Variants in GBE1 observed in about 807,000 individuals in gnomAD.
The protein encoded by GBE1 is 1,4-alpha-glucan-branching enzyme.
A neutral mutation model predicts 88.8 loss-of-function variants in GBE1; 70 were observed. The ratio of observed to expected loss-of-function variants is 0.79; its 90% confidence interval spans 0.65 to 0.96. GBE1 has a LOEUF of 0.96. Among genes scored for constraint, GBE1 ranks in the 40% least tolerant of loss-of-function variants. GBE1 has a pLI of 0.00. For missense variants in GBE1, 872 were observed against 871.0 expected (o/e 1.00, Z -0.01); for synonymous variants, 284 against 300.1 (o/e 0.95, Z 0.56).
intron 12 of GBE1, among the ~76,000 whole-genome samples, chr3:81,570,563 C>T (rs184962164): frequency 6.6e-6 from 1 of 152,164 alleles, no homozygotes; most frequent in African/African-American, 2.4e-5. Context: ...TTAACGCCTG[C>T]CTACTTTTTA....
chr3:81,649,089 C>A, intron 4 of GBE1, 98 bp from the exon 5 acceptor site: 1 of 804,324 alleles, frequency 1.2e-6, no homozygotes, highest in South Asian at 1.9e-5. Flanking sequence ...TATACTCAAA[C>A]ACTTGGAACT....
chr3:81,702,116 T>A (rs376497046), intron 2 of GBE1, among the ~76,000 whole-genome samples: 33,323 of 84,516 alleles, frequency 0.39, 5,020 homozygotes, highest in African/African-American at 0.56. Flanking sequence ...TGTGTGTGTG[T>A]GTGTGTGTGT....
At chr3:81,628,145 C>T (rs1243091551) in intron 7 of GBE1, among the ~76,000 whole-genome samples, 1 of 152,034 alleles carries the variant, frequency 6.6e-6, no homozygotes. Flanking sequence ...CAGACTCAGG[C>T]GGCCCCCTTA....
chr3:81,547,645 CT>C (rs1703224734), intron 12 of GBE1, among the ~76,000 whole-genome samples: 1 of 150,166 alleles, frequency 6.7e-6, no homozygotes, highest in Non-Finnish European at 1.5e-5. Flanking sequence ...CTCTCTCTCT[CT>C]CTCTCTCTCT....
chr3:81,597,058 T>C (rs1481409656), intron 7 of GBE1, among the ~76,000 whole-genome samples: 1 of 151,948 alleles, frequency 6.6e-6, no homozygotes, highest in East Asian at 1.9e-4. Flanking sequence ...AGAAATATTG[T>C]TCAATGTTCT....
intron 1 of GBE1, among the ~76,000 whole-genome samples, chr3:81,710,291 G>A (rs1267874014): frequency 7.5e-6 from 1 of 134,170 alleles, no homozygotes; most frequent in African/African-American, 2.9e-5. Flanking sequence ...CTGGAGTGCA[G>A]TGCCGCGATC....
chr3:81,605,171 C>A (rs1704087825), intron 7 of GBE1, among the ~76,000 whole-genome samples: 3 of 152,092 alleles, frequency 2.0e-5, no homozygotes, highest in Admixed American at 2.0e-4. Flanking sequence ...ACATCAATAT[C>A]CTTAAGGAAT....
In GBE1 at chr3:81,612,239, A is replaced by G. The variant is rs986647888; in HGVS notation, c.993-18216T>C. On this transcript the variant is annotated intron_variant, in intron 7 of 15. Transcript: ENST00000429644. ...CTCCTTTAAAAAAAAAAAAAAAAAA[A>G]AAAACTTAAAGAAGCTCTCTGGTTC... 5.7e-6 allele frequency: 3 copies of G among 528,516 alleles called. No individual in the cohort carries two copies. In the South Asian group the frequency reaches 7.7e-5, roughly 14 times the overall value. 32.7% of individuals were successfully genotyped at this position (528,516 alleles called of 1,614,324 possible). A position where few individuals can be genotyped will look rare whatever the true frequency, so the allele number is the denominator to read the frequency against.
At chr3:81,583,549 G>C (rs1044508209) in intron 10 of GBE1, among the ~76,000 whole-genome samples, 1 of 152,074 alleles carries the variant, frequency 6.6e-6, no homozygotes, top group Non-Finnish European at 1.5e-5. Context: ...TGAATGCGCT[G>C]TTGATATATG....
At chr3:81,656,125 G>A (rs1370645677) in intron 3 of GBE1, among the ~76,000 whole-genome samples, 1 of 152,096 alleles carries the variant, frequency 6.6e-6, no homozygotes, top group African/African-American at 2.4e-5. Flanking sequence ...CATTGTGTGA[G>A]GCTGAAAATG....
At chr3:81,575,394 A>G (rs1308872846) in intron 12 of GBE1, among the ~76,000 whole-genome samples, 1 of 152,180 alleles carries the variant, frequency 6.6e-6, no homozygotes, top group East Asian at 1.9e-4. Context: ...TCAAAATTAG[A>G]ATACATAAGA....
chr3:81,652,264 T>C (rs1332093779), intron 3 of GBE1, among the ~76,000 whole-genome samples: 4 of 152,216 alleles, frequency 2.6e-5, no homozygotes, highest in East Asian at 3.8e-4. Context: ...GAAAATATGA[T>C]ACCTACTGTG....
At chr3:81,561,318 T>G (rs1296340718) in intron 12 of GBE1, among the ~76,000 whole-genome samples, 1 of 152,058 alleles carries the variant, frequency 6.6e-6, no homozygotes, top group Non-Finnish European at 1.5e-5. Context: ...AATTTTCCAG[T>G]GTTTGATTAC....
intron 3 of GBE1, among the ~76,000 whole-genome samples, chr3:81,666,462 A>G (rs1705115693): frequency 6.6e-6 from 1 of 152,192 alleles, no homozygotes; most frequent in Non-Finnish European, 1.5e-5. Context: ...CAAAATAAAA[A>G]GTTTTCCTGG....
At chr3:81,706,264 G>A (rs539924128) in intron 1 of GBE1, among the ~76,000 whole-genome samples, 6 of 152,196 alleles carry the variant, frequency 3.9e-5, no homozygotes, top group Non-Finnish European at 7.4e-5. Flanking sequence ...AGCATGTCAA[G>A]AACATACACC....
At chr3:81,747,783 A>AC (rs1443720864) in intron 1 of GBE1, among the ~76,000 whole-genome samples, 1 of 151,492 alleles carries the variant, frequency 6.6e-6, no homozygotes, top group East Asian at 1.9e-4. Context: ...GCACCTTGTG[A>AC]CCCCCGCCCC....
intron 7 of GBE1, among the ~76,000 whole-genome samples, chr3:81,634,814 G>A (rs1335981982): frequency 2.0e-5 from 3 of 152,124 alleles, no homozygotes; most frequent in African/African-American, 7.2e-5. Flanking sequence ...ATGGAGAAAA[G>A]TTAGTGAAGG....
intron 12 of GBE1, among the ~76,000 whole-genome samples, chr3:81,573,111 G>T (rs1439746480): frequency 1.3e-5 from 2 of 151,976 alleles, no homozygotes; most frequent in African/African-American, 4.8e-5. Flanking sequence ...AAACCATAAT[G>T]TCACATAACC....
At chr3:81,734,251 A>G (rs1402221434) in intron 1 of GBE1, among the ~76,000 whole-genome samples, 1 of 152,166 alleles carries the variant, frequency 6.6e-6, no homozygotes, top group Non-Finnish European at 1.5e-5. Flanking sequence ...AACTTCAATT[A>G]AAAAAATCTC....
Sources: gnomAD v4.1 joint callset for allele counts (sites outside exome capture counted in the v4.1 genomes callset) on GRCh38, gnomAD v4.1.1 for gene constraint, MANE v1.5 for transcripts, NCBI Gene and HGNC (gene_info 2026-07-23, HGNC 2026-07-21) for gene names.